The following CTNNA3 variants were observed in gnomAD, a reference collection of about 807,000 sequenced individuals.
CTNNA3 encodes catenin alpha 3, also known as catenin alpha-3.
CTNNA3 carries 76 observed loss-of-function variants against 95.7 expected under a neutral mutation model. That is an observed-to-expected ratio of 0.79 (90% CI 0.66 to 0.96). CTNNA3 has a LOEUF of 0.96. CTNNA3 is among the 40% of genes least tolerant of loss of function. CTNNA3 has a pLI of 0.00. For synonymous variants in CTNNA3, 431 were observed against 374.4 expected, an observed-to-expected ratio of 1.15 and a Z score of -1.74; for missense variants, 1,191 against 1,089.8, an observed-to-expected ratio of 1.09 and a Z score of -1.31.
At chr10:67,081,547 T>C (rs1452366719) in intron 7 of CTNNA3, among the ~76,000 whole-genome samples, 6 of 152,320 alleles carry the variant, frequency 3.9e-5, no homozygotes, top group South Asian at 2.1e-4. Context: ...AATTGACCCA[T>C]TGTTTCCAAC....
intron 9 of CTNNA3, among the ~76,000 whole-genome samples, chr10:66,754,019 T>A (rs1449756496): frequency 6.6e-6 from 1 of 152,132 alleles, no homozygotes; most frequent in African/African-American, 2.4e-5. Flanking sequence ...TTGAATAAAT[T>A]ACAAGTTTAT....
intron 13 of CTNNA3, among the ~76,000 whole-genome samples, chr10:66,215,724 C>A (rs749967969): frequency 2.0e-5 from 3 of 152,038 alleles, no homozygotes; most frequent in Non-Finnish European, 2.9e-5. Flanking sequence ...TAAATAAGAA[C>A]CATGGAAGGA....
chr10:67,751,562 C>A (rs1201040342), intron 1 of CTNNA3, among the ~76,000 whole-genome samples: 2 of 151,600 alleles, frequency 1.3e-5, no homozygotes, highest in African/African-American at 2.4e-5. Context: ...AAAAAATAGA[C>A]CGCTAACTAG....
At chr10:67,726,448 T>A (rs1841222055) in intron 1 of CTNNA3, among the ~76,000 whole-genome samples, 1 of 72,594 alleles carries the variant, frequency 1.4e-5, no homozygotes, top group East Asian at 5.3e-4. Context: ...TAATATATAA[T>A]ATTATATATG....
chr10:66,401,281 C>T (rs940843254), intron 11 of CTNNA3, among the ~76,000 whole-genome samples: 11 of 152,024 alleles, frequency 7.2e-5, no homozygotes, highest in Non-Finnish European at 1.0e-4. Flanking sequence ...AATCCCAGCA[C>T]GCTGGGAGGC....
At chr10:67,328,390 G>A (rs993813964) in intron 5 of CTNNA3, among the ~76,000 whole-genome samples, 10 of 152,164 alleles carry the variant, frequency 6.6e-5, no homozygotes, top group East Asian at 3.8e-4. Context: ...GACTGGCCTC[G>A]TCTGATGGGC....
At chr10:66,195,775 T>G (rs1432140517) in intron 13 of CTNNA3, among the ~76,000 whole-genome samples, 7 of 152,340 alleles carry the variant, frequency 4.6e-5, no homozygotes, top group Non-Finnish European at 8.8e-5. Context: ...TATGTTGCCT[T>G]GGGCACAAGT....
At chr10:66,402,965 T>C (rs2093031714) in intron 11 of CTNNA3, among the ~76,000 whole-genome samples, 1 of 152,140 alleles carries the variant, frequency 6.6e-6, no homozygotes, top group Non-Finnish European at 1.5e-5. Flanking sequence ...TCCCCCTACC[T>C]AGTTAACATT....
intron 15 of CTNNA3, among the ~76,000 whole-genome samples, chr10:66,025,472 C>CT (rs1452836439): frequency 4.6e-5 from 7 of 152,268 alleles, no homozygotes; most frequent in African/African-American, 1.7e-4. Context: ...AATAATACCA[C>CT]TTTTTTCCTG....
At chr10:67,464,602 G>A (rs1199504206) in intron 5 of CTNNA3, among the ~76,000 whole-genome samples, 1 of 152,076 alleles carries the variant, frequency 6.6e-6, no homozygotes. Context: ...TACATACACT[G>A]AATATATAAT....
intron 10 of CTNNA3, among the ~76,000 whole-genome samples, chr10:66,612,693 C>T (rs1458742623): frequency 6.6e-6 from 1 of 152,128 alleles, no homozygotes; most frequent in Non-Finnish European, 1.5e-5. Flanking sequence ...AGGGTGCCTC[C>T]TGTAAAGAAA....
At chr10:66,684,699 T>A (rs1847186207) in intron 9 of CTNNA3, among the ~76,000 whole-genome samples, 1 of 152,112 alleles carries the variant, frequency 6.6e-6, no homozygotes, top group Admixed American at 6.5e-5. Context: ...GGACATAGAT[T>A]TAGGAGGTCT....
intron 9 of CTNNA3, among the ~76,000 whole-genome samples, chr10:66,692,431 G>A (rs550466503): frequency 2.0e-5 from 3 of 152,166 alleles, no homozygotes; most frequent in Admixed American, 6.5e-5. Context: ...AAAAAGAAAC[G>A]AACAAAGCCT....
intron 13 of CTNNA3, among the ~76,000 whole-genome samples, chr10:66,189,272 C>CAAA (rs36036764): frequency 2.4e-5 from 3 of 126,452 alleles, no homozygotes; most frequent in Non-Finnish European, 3.4e-5. Flanking sequence ...GGAGTTCTAT[C>CAAA]AAAAAAAAAA....
At chr10:66,089,923 G>A (rs1308803083) in intron 14 of CTNNA3, among the ~76,000 whole-genome samples, 2 of 151,846 alleles carry the variant, frequency 1.3e-5, no homozygotes, top group Non-Finnish European at 2.9e-5. Flanking sequence ...AACTATATTT[G>A]AAAATGAAAT....
Position 66,975,764 on chromosome 10 carries a change from C to T in CTNNA3, c.1048-200240G>A, listed in dbSNP as rs1849993944. On this transcript the variant is annotated intron_variant, in intron 7 of 17. Coordinates refer to ENST00000433211, the MANE Select transcript of CTNNA3 (RefSeq NM_013266.4). Reference sequence around the variant, plus strand: ...TTCTGCTCTTTATTCTTGGCTGTTTCCTCTATTTAGCACTCCTTTCTGTCT... The same window carrying T: ...TTCTGCTCTTTATTCTTGGCTGTTTTCTCTATTTAGCACTCCTTTCTGTCT... 5.3e-5 allele frequency among the ~76,000 whole-genome samples: 8 copies of T among 152,132 alleles called. No individual in the cohort carries two copies. In the South Asian group the frequency reaches 1.7e-3, roughly 32 times the overall value.
chr10:66,828,434 G>GT (rs1248959497), intron 7 of CTNNA3, among the ~76,000 whole-genome samples: 1 of 152,164 alleles, frequency 6.6e-6, no homozygotes, highest in African/African-American at 2.4e-5. Flanking sequence ...TTACCACAAT[G>GT]TATTATAACC....
intron 11 of CTNNA3, among the ~76,000 whole-genome samples, chr10:66,381,059 G>C (rs1227553259): frequency 6.6e-6 from 1 of 152,100 alleles, no homozygotes; most frequent in Admixed American, 6.6e-5. Flanking sequence ...AGACCTAAGA[G>C]ACATAATTTT....
upstream of CTNNA3, among the ~76,000 whole-genome samples, chr10:67,700,554 C>T (rs933756438): frequency 1.3e-5 from 2 of 152,212 alleles, no homozygotes; most frequent in Non-Finnish European, 2.9e-5. Flanking sequence ...AACAGACCTG[C>T]AGCTGAGGGT....
Sources: gnomAD v4.1 joint callset for allele counts (sites outside exome capture counted in the v4.1 genomes callset) on GRCh38, gnomAD v4.1.1 for gene constraint, MANE v1.5 for transcripts, NCBI Gene and HGNC (gene_info 2026-07-23, HGNC 2026-07-21) for gene names.